Variants in ITGB1 observed in about 807,000 individuals in gnomAD.
ITGB1 encodes integrin beta-1.
In ITGB1, 24 loss-of-function variants were observed where a neutral mutation model predicts 86.5. The observed-to-expected ratio is 0.28, with a 90% confidence interval of 0.20 to 0.39. The LOEUF is 0.39. ITGB1 is among the 10% of genes least tolerant of loss of function. The pLI is 1.00. For synonymous variants in ITGB1, 323 were observed against 316.8 expected (o/e 1.02, Z -0.21); for missense variants, 556 against 946.9 (o/e 0.59, Z 5.42).
chr10:32,938,258 C>T (rs535537462), intron 1 of ITGB1, among the ~76,000 whole-genome samples: 5 of 152,276 alleles, frequency 3.3e-5, no homozygotes, highest in African/African-American at 1.2e-4. Flanking sequence ...ACAACAGACA[C>T]CTGAAACATT....
At chr10:32,926,175 AT>A in intron 5 of ITGB1, 66 bp from the exon 6 acceptor site, 1 of 1,211,122 alleles carries the variant, frequency 8.3e-7, no homozygotes, top group South Asian at 1.3e-5. Flanking sequence ...AGAGATTTGC[AT>A]TGTTTAAAAA....
At chr10:32,946,118 T>G (rs747261429) in intron 1 of ITGB1, among the ~76,000 whole-genome samples, 222 of 152,238 alleles carry the variant, frequency 1.5e-3, no homozygotes, top group Non-Finnish European at 2.2e-3. Flanking sequence ...TAGGATCTAC[T>G]TGCCAGTTTC....
At chr10:32,928,519 G>A (rs2094972754) in intron 4 of ITGB1, among the ~76,000 whole-genome samples, 1 of 152,072 alleles carries the variant, frequency 6.6e-6, no homozygotes, top group Non-Finnish European at 1.5e-5. Flanking sequence ...GGACAAAACA[G>A]ACAAAAAGTC....
intron 14 of ITGB1, among the ~76,000 whole-genome samples, chr10:32,909,504 A>G (rs1445173612): frequency 6.6e-6 from 1 of 152,166 alleles, no homozygotes; most frequent in Non-Finnish European, 1.5e-5. Flanking sequence ...CAAAATTAAA[A>G]CCTGTGGTGT....
In ITGB1 at chr10:32,932,524, G is replaced by A. The variant is rs1457503300; in HGVS notation, c.144C>T (p.Cys48=). ...GAGCAACCTTACTTACTGAATTTGTGCACCACCCACAATTTGGCCCTGCTT... is the reference window on the plus strand; with the variant it reads ...GAGCAACCTTACTTACTGAATTTGTACACCACCCACAATTTGGCCCTGCTT... ...CIQAGPNCGW[C]TNSTFLQEGM... The change falls in exon 3 of 16, where the codon TGC becomes TGT. Residue 48 remains cysteine, a synonymous_variant. Transcript: ENST00000302278. The A allele has an allele frequency of 1.2e-6, 2 of 1,601,990 alleles. No individual in the cohort carries two copies. Among genetic ancestry groups the A allele is most frequent in the Non-Finnish European group, 1.7e-6 (2 of 1,169,308 alleles).
chr10:32,920,046 T>A lies in ITGB1; in HGVS notation c.1308A>T (p.Pro436=), dbSNP rs1257780569. ...TTTTAAAGCTGTCAGAATCCTTTTT[T>A]GGACACTTATTTGAAGTTATGCTAA... ...FEISITSNKC[P]KKDSDSFKIR... The change falls in exon 11 of 16, where the codon CCA becomes CCT. Residue 436 remains proline, a synonymous_variant. Coordinates refer to ENST00000302278, the MANE Select transcript of ITGB1 (RefSeq NM_002211.4). The A allele has an allele frequency of 1.2e-6, 2 of 1,614,136 alleles. No individual in the cohort carries two copies. The highest frequency in any genetic ancestry group is 1.7e-6 in the Non-Finnish European group (2 of 1,179,972).
chr10:32,913,170 T>G (rs2094919201), intron 11 of ITGB1, among the ~76,000 whole-genome samples: 1 of 152,100 alleles, frequency 6.6e-6, no homozygotes, highest in African/African-American at 2.4e-5. Flanking sequence ...TACATCACCA[T>G]CATGGAAGAC....
rs1390773630 is a variant in ITGB1, at chr10:32,900,407, T to G, written c.*1163A>C. On this transcript the variant is annotated 3_prime_UTR_variant, in exon 16 of 16. Transcript: ENST00000302278. Reference sequence around the variant, plus strand: ...AGTCAAGACATCCGATTTAAGTATTTTAGGCATATTTAATAAATAACTTCA... The same window carrying G: ...AGTCAAGACATCCGATTTAAGTATTGTAGGCATATTTAATAAATAACTTCA... 1 of 152,522 alleles carries G rather than the reference T, an allele frequency of 6.6e-6. No individual in the cohort carries two copies. The highest frequency in any genetic ancestry group is 6.6e-5 in the Admixed American group (1 of 15,256). 9.4% of individuals were successfully genotyped at this position (152,522 alleles called of 1,614,324 possible).
chr10:32,941,498 A>G (rs1593881748), intron 1 of ITGB1, among the ~76,000 whole-genome samples: 3 of 152,326 alleles, frequency 2.0e-5, no homozygotes, highest in East Asian at 3.9e-4. Context: ...AACGAAGACC[A>G]AGCAAGCAGG....
intron 13 of ITGB1, among the ~76,000 whole-genome samples, chr10:32,911,223 A>G (rs2094912228): frequency 1.3e-5 from 2 of 152,234 alleles, no homozygotes; most frequent in Admixed American, 1.3e-4. Context: ...TAGCACATTC[A>G]GATCAAAATA....
chr10:32,914,284 A>G (rs1174021585), intron 11 of ITGB1, among the ~76,000 whole-genome samples: 5 of 152,226 alleles, frequency 3.3e-5, no homozygotes, highest in East Asian at 3.8e-4. Flanking sequence ...AGCTAACATC[A>G]TAATGACAGG....
chr10:32,920,411 G>T (rs1191580467), intron 9 of ITGB1, 26 bp from the exon 10 acceptor site: 2 of 1,603,916 alleles, frequency 1.2e-6, no homozygotes, highest in Non-Finnish European at 1.7e-6. Context: ...ATTATACACA[G>T]GAAAAGTCAA....
Position 32,932,620 on chromosome 10 carries a change from A to ATCTT in ITGB1, c.68-21_68-20insAAGA. On this transcript the variant is annotated intron_variant, in intron 2 of 15. Transcript: ENST00000302278. ...TTTCATCTGTCAGAAAGAAGAAAGAACAGAACATTTTATGTGAAGTGTCAG... is the reference window on the plus strand; with the variant it reads ...TTTCATCTGTCAGAAAGAAGAAAGAATCTTCAGAACATTTTATGTGAAGTGTCAG... The ATCTT allele has an allele frequency of 7.3e-7, 1 of 1,376,884 alleles. No individual in the cohort carries two copies. 85.3% of individuals were successfully genotyped at this position (1,376,884 alleles called of 1,614,324 possible).
intron 11 of ITGB1, among the ~76,000 whole-genome samples, chr10:32,913,306 C>G (rs371577688): frequency 6.6e-6 from 1 of 152,148 alleles, no homozygotes; most frequent in Non-Finnish European, 1.5e-5. Context: ...CAAAGCCGGA[C>G]GGAGAATGAC....
chr10:32,933,071 C>A (rs967276692), intron 2 of ITGB1, among the ~76,000 whole-genome samples: 2 of 152,136 alleles, frequency 1.3e-5, no homozygotes, highest in South Asian at 2.1e-4. Context: ...CACTACCCTT[C>A]CCAGCCTCTG....
At chr10:32,926,868 C>G (rs969399244) in intron 5 of ITGB1, among the ~76,000 whole-genome samples, 9 of 152,150 alleles carry the variant, frequency 5.9e-5, no homozygotes, top group Admixed American at 2.6e-4. Context: ...TCACCAGATG[C>G]TCAATCTGCC....
chr10:32,921,885 TC>T (rs2094951163), intron 9 of ITGB1, among the ~76,000 whole-genome samples: 1 of 152,166 alleles, frequency 6.6e-6, no homozygotes, highest in Admixed American at 6.5e-5. Flanking sequence ...CTAGCACAAT[TC>T]ATCAGAATAG....
At position 32,944,516 on chromosome 10, in the gene ITGB1, A is replaced by G. The variant is rs569920193; in HGVS notation, c.1-8958T>C. Reference sequence around the variant, plus strand: ...TCTAGCGGAGACCTGCTCCAGGATCAACATGCTGCGGGGCACAGAAATTAA... The same window carrying G: ...TCTAGCGGAGACCTGCTCCAGGATCGACATGCTGCGGGGCACAGAAATTAA... On this transcript the variant is annotated intron_variant, in intron 1 of 15. Coordinates refer to ENST00000302278, the MANE Select transcript of ITGB1 (RefSeq NM_002211.4). 2.2e-5 allele frequency: 9 copies of G among 416,738 alleles called. No individual in the cohort carries two copies. In the East Asian group the frequency reaches 5.7e-4, roughly 27 times the overall value. The allele number at this position is 416,738 out of a possible 1,614,324, so 25.8% of individuals were successfully genotyped here.
intron 15 of ITGB1, among the ~76,000 whole-genome samples, chr10:32,908,133 A>G (rs919687755): frequency 1.3e-5 from 2 of 152,236 alleles, no homozygotes; most frequent in Admixed American, 6.5e-5. Context: ...AAATAAAAAT[A>G]CTGGCCACAG....
Sources: allele counts gnomAD v4.1 joint callset (sites outside exome capture counted in the v4.1 genomes callset), GRCh38; gene constraint gnomAD v4.1.1; transcripts MANE v1.5; gene names NCBI Gene and HGNC (gene_info 2026-07-23, HGNC 2026-07-21).